TOGARAM1: variants seen among roughly 807,000 people sequenced by gnomAD.
The protein encoded by TOGARAM1 is TOG array regulator of axonemal microtubules protein 1.
TOGARAM1 carries 100 observed loss-of-function variants against 166.6 expected under a neutral mutation model. The observed-to-expected ratio is 0.60, with a 90% CI of 0.51 to 0.71. The LOEUF is 0.71. Ranked by LOEUF, TOGARAM1 falls within the 30% of genes least tolerant of loss-of-function variation. The pLI is 0.00. For missense variants in TOGARAM1, 2,029 were observed against 2,102.7 expected (o/e 0.96, Z 0.69); for synonymous variants, 758 against 763.8 (o/e 0.99, Z 0.13).
chr14:45,032,869 A>T (rs1881240295), intron 11 of TOGARAM1, among the ~76,000 whole-genome samples: 1 of 152,144 alleles, frequency 6.6e-6, no homozygotes, highest in African/African-American at 2.4e-5. Context: ...ATCTCTCATT[A>T]TACCCATCTT....
At position 45,055,860 on chromosome 14, in the gene TOGARAM1, T is replaced by C. The variant is rs1412962944; in HGVS notation, c.4559+1311T>C. Among the ~76,000 whole-genome samples, 28 of 149,798 alleles carry C rather than the reference T, an allele frequency of 1.9e-4. 2 individuals are homozygous for C. Among genetic ancestry groups the C allele is most frequent in the Middle Eastern group, 3.4e-3 (1 of 294 alleles). On this transcript the variant is annotated intron_variant, in intron 16 of 19. Coordinates refer to ENST00000361462, the MANE Select transcript of TOGARAM1 (RefSeq NM_001308120.2). ...TTGGGCTCTTTTTTTTTTTTTTTTT[T>C]CCAAAAAAAGGTTCAGTGAGCCACG...
chr14:45,046,708 A>G lies in TOGARAM1; in HGVS notation c.4313+5A>G. Reference sequence around the variant, plus strand: ...AGACAGTTCACAAGAAACCAGGTGAATATCTGCTAATGTTTGCTAAATCTA... The same window carrying G: ...AGACAGTTCACAAGAAACCAGGTGAGTATCTGCTAATGTTTGCTAAATCTA... On this transcript the variant is annotated splice_donor_5th_base_variant and intron_variant, in intron 14 of 19. Coordinates refer to ENST00000361462, the MANE Select transcript of TOGARAM1 (RefSeq NM_001308120.2). The G allele has an allele frequency of 7.8e-7, 1 of 1,277,190 alleles. No homozygotes were observed. Among genetic ancestry groups the G allele is most frequent in the Non-Finnish European group, 1.0e-6 (1 of 1,001,860 alleles). 79.1% of individuals were successfully genotyped at this position (1,277,190 alleles called of 1,614,324 possible).
intron 7 of TOGARAM1, among the ~76,000 whole-genome samples, chr14:45,023,818 G>C (rs1250414161): frequency 6.6e-6 from 1 of 151,964 alleles, no homozygotes; most frequent in Non-Finnish European, 1.5e-5. Flanking sequence ...TCGGCTGACT[G>C]CAACCTCTGC....
At chr14:45,069,336 T>C (rs538286817) in intron 18 of TOGARAM1, among the ~76,000 whole-genome samples, 1 of 152,048 alleles carries the variant, frequency 6.6e-6, no homozygotes, top group Non-Finnish European at 1.5e-5. Context: ...ACCACTGCAC[T>C]GCAGCCTGGG....
At position 44,967,125 on chromosome 14, in the gene TOGARAM1, C is replaced by T. The variant is rs1450989201; in HGVS notation, c.2046+2658C>T. 2.0e-5 allele frequency among the ~76,000 whole-genome samples: 3 copies of T among 152,036 alleles called. No individual in the cohort carries two copies. In the East Asian group the frequency reaches 5.8e-4, roughly 29 times the overall value. On this transcript the variant is annotated intron_variant, in intron 1 of 19. Coordinates refer to ENST00000361462, the MANE Select transcript of TOGARAM1 (RefSeq NM_001308120.2). Reference sequence around the variant, plus strand: ...AGTCTGAGTATAGATTTGCTCATTGCTATTTCTTGCCATTGTGGTTTGACC... The same window carrying T: ...AGTCTGAGTATAGATTTGCTCATTGTTATTTCTTGCCATTGTGGTTTGACC...
chr14:45,011,957 T>A lies in TOGARAM1; in HGVS notation c.3138-18T>A, dbSNP rs745447194. 5 of 1,551,914 alleles carry A rather than the reference T, an allele frequency of 3.2e-6. No homozygotes were observed. Among genetic ancestry groups the A allele is most frequent in the Non-Finnish European group, 4.4e-6 (5 of 1,135,628 alleles). ...ACTAAATCTTAATGTTTATTGAAATTACTTTGTTTCATTGCAGGTCAGACA... is the reference window on the plus strand; with the variant it reads ...ACTAAATCTTAATGTTTATTGAAATAACTTTGTTTCATTGCAGGTCAGACA... On this transcript the variant is annotated intron_variant, in intron 6 of 19. Coordinates refer to ENST00000361462, the MANE Select transcript of TOGARAM1 (RefSeq NM_001308120.2).
intron 1 of TOGARAM1, among the ~76,000 whole-genome samples, chr14:44,988,238 A>G (rs1886953198): frequency 6.6e-6 from 1 of 152,172 alleles, no homozygotes. Context: ...CATGTACCCT[A>G]GAACTTAAAG....
chr14:45,053,992 C>G (rs756797954), intron 15 of TOGARAM1, among the ~76,000 whole-genome samples: 8 of 152,024 alleles, frequency 5.3e-5, no homozygotes, highest in Non-Finnish European at 1.0e-4. Flanking sequence ...AATTCTCCTG[C>G]CTCAGCCTCC....
At chr14:45,000,036 A>G (rs1887623138) in intron 3 of TOGARAM1, among the ~76,000 whole-genome samples, 4 of 152,096 alleles carry the variant, frequency 2.6e-5, no homozygotes, top group Admixed American at 2.6e-4. Flanking sequence ...TCTGTCGCCC[A>G]GGCTGGAGTG....
At chr14:45,025,299 C>T (rs2138901248) in intron 7 of TOGARAM1, among the ~76,000 whole-genome samples, 1 of 152,214 alleles carries the variant, frequency 6.6e-6, no homozygotes, top group Middle Eastern at 3.4e-3. Flanking sequence ...GGCATGGTGG[C>T]TCATGCCTGT....
chr14:45,062,571 C>T (rs527307533), intron 16 of TOGARAM1, among the ~76,000 whole-genome samples: 1 of 152,244 alleles, frequency 6.6e-6, no homozygotes, highest in South Asian at 2.1e-4. Flanking sequence ...TAGGATCGTT[C>T]AACTTACGAT....
rs1468743130 is a variant in TOGARAM1, at chr14:44,994,380, A to C, written c.2047-1366A>C. 4.0e-5 allele frequency among the ~76,000 whole-genome samples: 6 copies of C among 151,864 alleles called. 1 individual carries two copies. The highest frequency in any genetic ancestry group is 3.9e-4 in the Admixed American group (6 of 15,244). ...GTGACCCACCCACCTTGGCCTCTCAAAGTGCTGGGATTATAGGCATGAGCC... is the reference window on the plus strand; with the variant it reads ...GTGACCCACCCACCTTGGCCTCTCACAGTGCTGGGATTATAGGCATGAGCC... On this transcript the variant is annotated intron_variant, in intron 1 of 19. Transcript: ENST00000361462.
chr14:45,060,750 T>C (rs1029269269), intron 16 of TOGARAM1, among the ~76,000 whole-genome samples: 2 of 152,216 alleles, frequency 1.3e-5, no homozygotes, highest in African/African-American at 2.4e-5. Flanking sequence ...GTTTATCTGA[T>C]ATTTTCTCAC....
At chr14:44,984,664 G>T (rs1886696255) in intron 1 of TOGARAM1, among the ~76,000 whole-genome samples, 2 of 151,642 alleles carry the variant, frequency 1.3e-5, no homozygotes, top group Admixed American at 1.3e-4. Flanking sequence ...AGTCCCAGCT[G>T]CTTGGGAAGC....
At position 44,962,911 on chromosome 14, in the gene TOGARAM1, C is replaced by T. The variant is rs765851774; in HGVS notation, c.490C>T (p.Arg164Trp). Residue 164 changes from arginine (R) to tryptophan (W), a missense_variant, in exon 1 of 20, where the codon CGG (arginine) becomes TGG (tryptophan). By Grantham distance (101) the Arg-to-Trp change is moderately radical (BLOSUM62 -3). This residue lies in a region of TOGARAM1 where 1,453 missense variants were observed against 1,432.2 expected (regional missense o/e 1.01). Coordinates refer to ENST00000361462, the MANE Select transcript of TOGARAM1 (RefSeq NM_001308120.2). The part of the protein sequence containing the change: ...LCLQLLSDVL[R>W]GQGEAGQLEE... ...CTTGCAACTTCTCTCGGACGTTCTC[C>T]GGGGTCAGGGGGAGGCAGGCCAGCT... 1.9e-6 allele frequency: 3 copies of T among 1,614,102 alleles called. No individual in the cohort carries two copies. The highest frequency in any genetic ancestry group is 2.5e-6 in the Non-Finnish European group (3 of 1,180,028).
intron 18 of TOGARAM1, among the ~76,000 whole-genome samples, chr14:45,069,574 A>G (rs1237418543): frequency 6.6e-6 from 1 of 152,202 alleles, no homozygotes; most frequent in East Asian, 1.9e-4. Flanking sequence ...CGGATGGCAA[A>G]TAAGGGAGGA....
At chr14:44,964,951 T>TAAAAAAAAAAAAAAA (rs35780816) in intron 1 of TOGARAM1, among the ~76,000 whole-genome samples, 2 of 85,858 alleles carry the variant, frequency 2.3e-5, no homozygotes, top group African/African-American at 4.8e-5. Flanking sequence ...ACTAGAAAAG[T>TAAAAAAAAAAAAAAA]AAAAAAAAAA....
At chr14:44,986,789 G>A (rs1415144799) in intron 1 of TOGARAM1, among the ~76,000 whole-genome samples, 5 of 151,342 alleles carry the variant, frequency 3.3e-5, no homozygotes, top group East Asian at 2.0e-4. Flanking sequence ...GGCAGATCAC[G>A]AGGTCAGGAG....
intron 11 of TOGARAM1, among the ~76,000 whole-genome samples, chr14:45,037,108 C>A (rs1881475059): frequency 6.6e-6 from 1 of 152,140 alleles, no homozygotes; most frequent in Admixed American, 6.5e-5. Flanking sequence ...CATAGCCAAA[C>A]CCTATCAATT....
Sources: gnomAD v4.1 joint callset for allele counts (sites outside exome capture counted in the v4.1 genomes callset) on GRCh38, gnomAD v4.1.1 for gene constraint, gnomAD v4.1.1 regional missense constraint, MANE v1.5 for transcripts, NCBI Gene and HGNC (gene_info 2026-07-23, HGNC 2026-07-21) for gene names.